Variants in MKLN1 observed in about 807,000 individuals in gnomAD.
MKLN1 encodes muskelin 1.
A neutral mutation model predicts 99.0 loss-of-function variants in MKLN1; 18 were observed. The ratio of observed to expected loss-of-function variants is 0.18; its 90% CI spans 0.13 to 0.27. The LOEUF (loss-of-function observed/expected upper bound fraction) is 0.27. Among genes scored for constraint, MKLN1 ranks in the 10% least tolerant of loss-of-function variants. The pLI is 1.00. For synonymous variants in MKLN1, 288 were observed against 293.2 expected, an observed-to-expected ratio of 0.98 and a Z score of 0.18; for missense variants, 621 against 875.9, an observed-to-expected ratio of 0.71 and a Z score of 3.67.
At chr7:131,272,535 A>G (rs1351214246) in intron 3 of MKLN1, among the ~76,000 whole-genome samples, 1 of 152,224 alleles carries the variant, frequency 6.6e-6, no homozygotes, top group Non-Finnish European at 1.5e-5. Context: ...AGGGAAGCCA[A>G]TGAAGAATAT....
intron 3 of MKLN1, among the ~76,000 whole-genome samples, chr7:131,208,206 G>A (rs1796848139): frequency 6.6e-6 from 1 of 152,226 alleles, no homozygotes; most frequent in South Asian, 2.1e-4. Flanking sequence ...GAGGAAAGAG[G>A]TAGGGTGGAA....
At chr7:131,199,847 C>T (rs1796700946) in intron 2 of MKLN1, among the ~76,000 whole-genome samples, 1 of 152,086 alleles carries the variant, frequency 6.6e-6, no homozygotes. Context: ...GTGCGTGCCA[C>T]CATGCCCAGC....
At chr7:131,374,419 G>C (rs1360206184) in intron 1 of MKLN1, among the ~76,000 whole-genome samples, 1 of 152,058 alleles carries the variant, frequency 6.6e-6, no homozygotes, top group Admixed American at 6.5e-5. Flanking sequence ...ACACAAGTTT[G>C]CACTGATGTC....
chr7:131,248,087 T>G (rs1797522610), intron 3 of MKLN1, among the ~76,000 whole-genome samples: 1 of 151,904 alleles, frequency 6.6e-6, no homozygotes, highest in African/African-American at 2.4e-5. Flanking sequence ...ATTTATTTAT[T>G]TATTTATTTA....
At chr7:131,219,531 C>T (rs1194998714) in intron 3 of MKLN1, among the ~76,000 whole-genome samples, 1 of 151,910 alleles carries the variant, frequency 6.6e-6, no homozygotes, top group East Asian at 1.9e-4. Context: ...GTTCTTTTGG[C>T]ATTTAACTTG....
chr7:131,335,887 T>C (rs894846461), intron 1 of MKLN1, among the ~76,000 whole-genome samples: 1 of 152,028 alleles, frequency 6.6e-6, no homozygotes, highest in African/African-American at 2.4e-5. Context: ...GAAAAGACTA[T>C]GCATTCTGCT....
At chr7:131,144,640 A>T (rs1428499946) in intron 2 of MKLN1, among the ~76,000 whole-genome samples, 1 of 151,894 alleles carries the variant, frequency 6.6e-6, no homozygotes, top group Non-Finnish European at 1.5e-5. Flanking sequence ...TTTTTGAGCC[A>T]CCACACCTGG....
intron 6 of MKLN1, among the ~76,000 whole-genome samples, chr7:131,401,301 T>C (rs1794536146): frequency 6.6e-6 from 1 of 152,192 alleles, no homozygotes; most frequent in South Asian, 2.1e-4. Flanking sequence ...TTACATTTCA[T>C]TTTATTAGAG....
At chr7:131,148,633 C>T (rs926908908) in intron 2 of MKLN1, among the ~76,000 whole-genome samples, 4 of 151,854 alleles carry the variant, frequency 2.6e-5, no homozygotes, top group African/African-American at 9.7e-5. Context: ...ATTAGCCAGG[C>T]GTGGTGGTGC....
chr7:131,394,402 T>A (rs1377034101), intron 4 of MKLN1, among the ~76,000 whole-genome samples: 1 of 152,082 alleles, frequency 6.6e-6, no homozygotes, highest in Non-Finnish European at 1.5e-5. Context: ...GATGAAACTT[T>A]TCCATCTCAG....
chr7:131,259,748 A>G (rs1797706604), intron 3 of MKLN1, among the ~76,000 whole-genome samples: 1 of 152,190 alleles, frequency 6.6e-6, no homozygotes, highest in African/African-American at 2.4e-5. Context: ...CATTAAGTAC[A>G]TTCACAATAT....
At chr7:131,243,859 C>A (rs1797444582) in intron 3 of MKLN1, among the ~76,000 whole-genome samples, 1 of 151,926 alleles carries the variant, frequency 6.6e-6, no homozygotes, top group African/African-American at 2.4e-5. Context: ...ACTAAAAATA[C>A]AAAAAATTAG....
intron 12 of MKLN1, among the ~76,000 whole-genome samples, chr7:131,448,234 G>GA (rs1330475157): frequency 2.0e-5 from 3 of 151,276 alleles, no homozygotes; most frequent in African/African-American, 7.3e-5. Flanking sequence ...TCTCAAAAAA[G>GA]AAAAAAAAGT....
At chr7:131,359,040 T>A (rs964694416) in intron 1 of MKLN1, among the ~76,000 whole-genome samples, 14 of 152,130 alleles carry the variant, frequency 9.2e-5, no homozygotes, top group Admixed American at 7.9e-4. Context: ...ATTTATTTAT[T>A]TATTTATTTT....
chr7:131,141,982 A>C (rs555932585), intron 1 of MKLN1, among the ~76,000 whole-genome samples: 14 of 152,354 alleles, frequency 9.2e-5, no homozygotes, highest in Non-Finnish European at 1.3e-4. Flanking sequence ...GTGAAAATAT[A>C]AATTAAATTT....
chr7:131,182,744 T>C (rs1402268525), intron 2 of MKLN1, among the ~76,000 whole-genome samples: 1 of 152,224 alleles, frequency 6.6e-6, no homozygotes, highest in Non-Finnish European at 1.5e-5. Flanking sequence ...ATGTTCTTTT[T>C]CTCTGGCCTG....
chr7:131,388,669 C>A lies in MKLN1; in HGVS notation c.312-215C>A, dbSNP rs1363837145. On this transcript the variant is annotated intron_variant, in intron 3 of 17. Transcript: ENST00000352689. ...ATAATACTGAACATTTTTCATTAAT[C>A]CTCGTATAATTAAGAGAATCCAGTT... Among the ~76,000 whole-genome samples, 3 of 152,154 alleles carry A rather than the reference C, an allele frequency of 2.0e-5. No homozygotes were observed. The South Asian group carries it at 6.2e-4, about 32-fold the overall frequency.
chr7:131,297,193 C>G (rs1798302632), intron 3 of MKLN1, among the ~76,000 whole-genome samples: 2 of 152,098 alleles, frequency 1.3e-5, no homozygotes, highest in Non-Finnish European at 2.9e-5. Flanking sequence ...AACCCTGTCT[C>G]TACTAAAAAT....
At position 131,388,869 on chromosome 7, in the gene MKLN1, AT is replaced by A; in HGVS notation, c.312-8del. Reference sequence around the variant, plus strand: ...TTATGAAGTCAGATTTAATAGCCTTATTTTTTTCCCACAGTGGCTTAAAGAA... The same window carrying A: ...TTATGAAGTCAGATTTAATAGCCTTATTTTTTCCCACAGTGGCTTAAAGAA... On this transcript the variant is annotated splice_polypyrimidine_tract_variant and intron_variant, in intron 3 of 17. Transcript: ENST00000352689. The A allele has an allele frequency of 2.5e-6, 4 of 1,574,194 alleles. No individual in the cohort carries two copies. In the Admixed American group the frequency reaches 6.9e-5, roughly 27 times the overall value.
Sources: allele counts gnomAD v4.1 joint callset (sites outside exome capture counted in the v4.1 genomes callset), GRCh38; gene constraint gnomAD v4.1.1; transcripts MANE v1.5; gene names NCBI Gene and HGNC (gene_info 2026-07-23, HGNC 2026-07-21).